Variants in PMFBP1 observed in about 807,000 individuals in gnomAD.
The protein encoded by PMFBP1 is polyamine-modulated factor 1-binding protein 1.
Under a neutral mutation model 137.8 loss-of-function variants are expected in PMFBP1, and 131 were observed. The observed-to-expected ratio is 0.95, with a 90% CI of 0.82 to 1.10. The LOEUF (loss-of-function observed/expected upper bound fraction) is 1.10, where lower values mean the gene tolerates loss of function less well. Ranked by LOEUF, PMFBP1 falls within the 50% of genes least tolerant of loss-of-function variation. The probability of loss-of-function intolerance (pLI) is 0.00; values close to 1 mark genes in which losing one functional copy is unlikely to be tolerated. For synonymous variants in PMFBP1, 490 were observed against 450.4 expected, an observed-to-expected ratio of 1.09 and a Z score of -1.11; for missense variants, 1,199 against 1,175.4, an observed-to-expected ratio of 1.02 and a Z score of -0.29.
At chr16:72,119,503 G>T in intron 20 of PMFBP1, 149 bp from the exon 21 acceptor site, 2 of 1,530,472 alleles carry the variant, frequency 1.3e-6, no homozygotes, top group South Asian at 2.6e-5. Flanking sequence ...GGCAGGAAAG[G>T]CGGCTGTGGA....
intron 3 of PMFBP1, among the ~76,000 whole-genome samples, chr16:72,162,239 G>A (rs2043072779): frequency 6.6e-6 from 1 of 152,196 alleles, no homozygotes; most frequent in Non-Finnish European, 1.5e-5. Context: ...AGCACATGCA[G>A]GTTGGCACCT....
intron 19 of PMFBP1, 133 bp from the exon 20 acceptor site, chr16:72,120,222 A>G: frequency 5.6e-6 from 8 of 1,422,292 alleles, no homozygotes; most frequent in Non-Finnish European, 7.7e-6. Flanking sequence ...CCGGCCTGTT[A>G]CACATGCTCT....
chr16:72,249,920 CAAAA>C, the PMFBP1 span, among the ~76,000 whole-genome samples: 5 of 30,124 alleles, frequency 1.7e-4, no homozygotes, highest in African/African-American at 6.1e-4. Flanking sequence ...GACTCCATCG[CAAAA>C]AAAAAAAAAA....
chr16:72,171,962 A>T (rs2043226499), intron 1 of PMFBP1, 92 bp downstream of exon 1: 3 of 152,200 alleles, frequency 2.0e-5, no homozygotes, highest in Admixed American at 2.0e-4. Context: ...AGGATGATGC[A>T]TTTGAGGTCA....
At chr16:72,211,407 T>C in the PMFBP1 span, among the ~76,000 whole-genome samples, 2 of 152,288 alleles carry the variant, frequency 1.3e-5, no homozygotes, top group African/African-American at 4.8e-5. Context: ...CATTCTCTAC[T>C]TAATAACCTT....
chr16:72,172,562 A>G (rs1040308890), upstream of PMFBP1: 4 of 151,238 alleles, frequency 2.6e-5, no homozygotes, highest in African/African-American at 9.7e-5. Context: ...TCATTAGCCA[A>G]AACAAGTCAC....
Position 72,119,953 on chromosome 16 carries a change from G to A in PMFBP1, c.2905C>T (p.Gln969Ter). 1 of 1,614,206 alleles carries A rather than the reference G, an allele frequency of 6.2e-7. No homozygotes were observed. Among genetic ancestry groups the A allele is most frequent in the Non-Finnish European group, 8.5e-7 (1 of 1,180,038 alleles). The change falls in exon 20 of 21, where the codon CAG becomes TAG. Residue 969 changes from glutamine to a stop codon, truncating the protein, a stop_gained. Coordinates refer to ENST00000237353, the MANE Select transcript of PMFBP1 (RefSeq NM_031293.3). LOFTEE classifies it high-confidence loss of function. ...ALGPSRTEST[Q>*]REKVCGTLGW... is the part of the protein sequence containing the mutation. ...AAGGTGCCGCACACTTTCTCCCTCT[G>A]TGTGGACTCCGTTCTGCTCGGGCCT...
At chr16:72,234,657 G>A in the PMFBP1 span, among the ~76,000 whole-genome samples, 1 of 152,146 alleles carries the variant, frequency 6.6e-6, no homozygotes, top group Admixed American at 6.6e-5. Context: ...GCTATCAAGT[G>A]TACTTTTGCT....
At chr16:72,232,388 G>A in the PMFBP1 span, among the ~76,000 whole-genome samples, 12 of 152,286 alleles carry the variant, frequency 7.9e-5, no homozygotes, top group African/African-American at 2.6e-4. Flanking sequence ...CATAGTCTGT[G>A]CTTAAACATC....
chr16:72,193,354 C>T, the PMFBP1 span, among the ~76,000 whole-genome samples: 5 of 152,092 alleles, frequency 3.3e-5, no homozygotes, highest in Admixed American at 3.3e-4. Flanking sequence ...GGTGCCACTG[C>T]ACTCCAGCCT....
intron 3 of PMFBP1, among the ~76,000 whole-genome samples, chr16:72,161,871 G>A (rs539175506): frequency 6.6e-6 from 1 of 151,906 alleles, no homozygotes; most frequent in Non-Finnish European, 1.5e-5. Context: ...GTGTAATAAT[G>A]CCCATCAAGA....
At chr16:72,158,042 G>C (rs2043008732) in intron 3 of PMFBP1, among the ~76,000 whole-genome samples, 1 of 152,234 alleles carries the variant, frequency 6.6e-6, no homozygotes, top group Non-Finnish European at 1.5e-5. Context: ...AATCTCTACA[G>C]AGAGTGGTGG....
chr16:72,180,989 C>T (rs1405348416), upstream of PMFBP1, among the ~76,000 whole-genome samples: 2 of 151,996 alleles, frequency 1.3e-5, no homozygotes, highest in Non-Finnish European at 2.9e-5. Context: ...GCCTGTAATC[C>T]CAGCACTTTG....
At chr16:72,244,107 C>T in the PMFBP1 span, among the ~76,000 whole-genome samples, 1 of 152,058 alleles carries the variant, frequency 6.6e-6, no homozygotes, top group Admixed American at 6.6e-5. Flanking sequence ...TAAACGTGTG[C>T]TCAAAATCAA....
chr16:72,192,684 C>G, the PMFBP1 span, among the ~76,000 whole-genome samples: 1 of 152,052 alleles, frequency 6.6e-6, no homozygotes, highest in African/African-American at 2.4e-5. Flanking sequence ...TCAAGACCAT[C>G]CCACGTCAGG....
chr16:72,151,754 T>C (rs2042905873), intron 4 of PMFBP1, among the ~76,000 whole-genome samples: 2 of 152,196 alleles, frequency 1.3e-5, no homozygotes, highest in African/African-American at 2.4e-5. Context: ...TCCAAATATT[T>C]GTAACCAAAG....
chr16:72,226,348 T>C, the PMFBP1 span, among the ~76,000 whole-genome samples: 3 of 152,196 alleles, frequency 2.0e-5, no homozygotes, highest in Non-Finnish European at 2.9e-5. Flanking sequence ...TAAGCTAATG[T>C]GCAGGTAGGA....
chr16:72,211,755 G>A, the PMFBP1 span, among the ~76,000 whole-genome samples: 1 of 152,202 alleles, frequency 6.6e-6, no homozygotes, highest in African/African-American at 2.4e-5. Flanking sequence ...AGCAATTTGG[G>A]AGGCTGAGGT....
intron 5 of PMFBP1, among the ~76,000 whole-genome samples, chr16:72,142,624 T>C (rs2042740359): frequency 6.6e-6 from 1 of 152,190 alleles, no homozygotes; most frequent in Non-Finnish European, 1.5e-5. Context: ...TAAACCTTGC[T>C]CAGACATGGA....
Sources: allele counts gnomAD v4.1 joint callset (sites outside exome capture counted in the v4.1 genomes callset), GRCh38; gene constraint gnomAD v4.1.1; transcripts MANE v1.5; gene names NCBI Gene and HGNC (gene_info 2026-07-23, HGNC 2026-07-21).